PI4KA: variants seen among roughly 807,000 people sequenced by gnomAD.
PI4KA encodes phosphatidylinositol 4-kinase alpha.
In PI4KA, 122 loss-of-function variants were observed where a neutral mutation model predicts 271.4. That is an observed-to-expected ratio of 0.45 (90% confidence interval 0.39 to 0.52). The LOEUF (loss-of-function observed/expected upper bound fraction) is 0.52. Ranked by LOEUF, PI4KA falls within the 20% of genes least tolerant of loss-of-function variation. The probability of loss-of-function intolerance (pLI) is 0.00; values close to 1 mark genes in which losing one functional copy is unlikely to be tolerated. For synonymous variants in PI4KA, 1,041 were observed against 1,078.8 expected (o/e 0.96, Z 0.69); for missense variants, 1,969 against 2,769.1 (o/e 0.71, Z 6.48).
intron 3 of PI4KA, among the ~76,000 whole-genome samples, chr22:20,832,732 G>A (rs536876559): frequency 2.0e-5 from 3 of 152,344 alleles, no homozygotes; most frequent in East Asian, 3.9e-4. Context: ...AGAGATTACA[G>A]GTGTGAGCCA....
chr22:20,738,986 A>G (rs1226599882), intron 32 of PI4KA, among the ~76,000 whole-genome samples: 3 of 145,676 alleles, frequency 2.1e-5, no homozygotes, highest in Admixed American at 6.9e-5. Flanking sequence ...GCGGATCACA[A>G]GGTCAGGAGA....
At chr22:20,809,950 T>G (rs1026146110) in intron 9 of PI4KA, among the ~76,000 whole-genome samples, 1 of 152,156 alleles carries the variant, frequency 6.6e-6, no homozygotes, top group Non-Finnish European at 1.5e-5. Flanking sequence ...CCTTCCCTGC[T>G]TCATACCTGA....
At chr22:20,793,462 T>C in intron 18 of PI4KA, 1 of 479,486 alleles carries the variant, frequency 2.1e-6, no homozygotes, top group South Asian at 2.9e-5. Flanking sequence ...GTTACATAAA[T>C]GATTACATAA....
At chr22:20,712,460 C>A (rs1925422194) in intron 50 of PI4KA, 26 bp downstream of exon 50, 2 of 1,606,718 alleles carry the variant, frequency 1.2e-6, no homozygotes, top group Non-Finnish European at 8.5e-7. Flanking sequence ...ACACGACCTC[C>A]CCCGGCCTGT....
chr22:20,827,326 T>C (rs1311400688), intron 3 of PI4KA, among the ~76,000 whole-genome samples: 1 of 152,224 alleles, frequency 6.6e-6, no homozygotes, highest in Non-Finnish European at 1.5e-5. Context: ...TCCCCATTAC[T>C]TGTTTTGTTG....
Position 20,720,691 on chromosome 22 carries a change from T to C in PI4KA, c.5116+607A>G, listed in dbSNP as rs113797010. Among the ~76,000 whole-genome samples, 292 of 152,306 alleles carry C rather than the reference T, an allele frequency of 1.9e-3. 3 individuals are homozygous for C. Among genetic ancestry groups the C allele is most frequent in the African/African-American group, 6.9e-3 (285 of 41,568 alleles). On this transcript the variant is annotated intron_variant, in intron 43 of 54. Transcript: ENST00000255882. Reference sequence around the variant, plus strand: ...TGAAACAACACTGCAACAGATCAACTGCAGAAGTGGAACGAGAATGAGAAT... The same window carrying C: ...TGAAACAACACTGCAACAGATCAACCGCAGAAGTGGAACGAGAATGAGAAT...
intron 3 of PI4KA, among the ~76,000 whole-genome samples, chr22:20,831,027 A>T (rs1924096673): frequency 6.6e-6 from 1 of 151,566 alleles, no homozygotes; most frequent in South Asian, 2.1e-4. Context: ...TCCGCCTTAG[A>T]CTCCCAAAGT....
intron 31 of PI4KA, 94 bp from the exon 32 acceptor site, chr22:20,742,449 A>G (rs1016848043): frequency 3.6e-5 from 57 of 1,566,740 alleles, no homozygotes; most frequent in Non-Finnish European, 4.8e-5. Flanking sequence ...AGCTGGGGCC[A>G]GTGATGGCCT....
At chr22:20,745,982 G>A (rs1930015336) in intron 29 of PI4KA, among the ~76,000 whole-genome samples, 1 of 148,986 alleles carries the variant, frequency 6.7e-6, no homozygotes, top group African/African-American at 2.5e-5. Context: ...GGGATTACAG[G>A]TGCATGTCAC....
At chr22:20,852,430 T>C (rs117733354) in intron 1 of PI4KA, among the ~76,000 whole-genome samples, 128 of 152,326 alleles carry the variant, frequency 8.4e-4, no homozygotes, top group Non-Finnish European at 1.5e-3. Flanking sequence ...GACACCTTCA[T>C]CTTGAACTTC....
In PI4KA at chr22:20,761,382, G is replaced by A; in HGVS notation, c.2713C>T (p.Leu905=). 13 of 1,605,958 alleles carry A rather than the reference G, an allele frequency of 8.1e-6. No homozygotes were observed. Among genetic ancestry groups the A allele is most frequent in the Non-Finnish European group, 1.1e-5 (13 of 1,172,592 alleles). The part of the protein sequence containing the change: ...SVYRLEYMRV[L]RSTDPDRFQV... ...AAGCGATCAGGATCTGTTGAACGCA[G>A]TACCCTAAGAAGAAAACAGCTTTAA... Residue 905 remains leucine, a synonymous_variant, in exon 23 of 55, where the codon CTG becomes TTG. Coordinates refer to ENST00000255882, the MANE Select transcript of PI4KA (RefSeq NM_058004.4).
At chr22:20,733,627 T>G in intron 35 of PI4KA, 109 bp downstream of exon 35, 1 of 1,575,438 alleles carries the variant, frequency 6.3e-7, no homozygotes, top group South Asian at 1.2e-5. Context: ...TGAGCACAAC[T>G]GGGCAACTGT....
intron 1 of PI4KA, among the ~76,000 whole-genome samples, chr22:20,840,947 TA>T (rs945432799): frequency 3.9e-5 from 6 of 152,188 alleles, no homozygotes; most frequent in African/African-American, 1.4e-4. Context: ...GGCTGAGACC[TA>T]CTGGGCTACA....
At chr22:20,716,432 T>A (rs910720312) in intron 45 of PI4KA, among the ~76,000 whole-genome samples, 12 of 152,270 alleles carry the variant, frequency 7.9e-5, no homozygotes, top group African/African-American at 2.6e-4. Context: ...GCCAAGGAAC[T>A]GCCAGTCCCC....
At chr22:20,713,134 G>A (rs1925529520) in intron 48 of PI4KA, 147 bp downstream of exon 48, 1 of 725,014 alleles carries the variant, frequency 1.4e-6, no homozygotes. Context: ...TTTTGCAGAA[G>A]CCCTAATTTA....
intron 3 of PI4KA, among the ~76,000 whole-genome samples, chr22:20,824,777 C>A (rs1027068205): frequency 1.6e-5 from 2 of 122,112 alleles, no homozygotes; most frequent in African/African-American, 7.0e-5. Flanking sequence ...CACACACACA[C>A]ACAAAACACT....
At chr22:20,710,468 G>A (rs1330785142) in intron 52 of PI4KA, 1 of 584,268 alleles carries the variant, frequency 1.7e-6, no homozygotes, top group Admixed American at 3.0e-5. Context: ...AGAGCCCATG[G>A]CTGAAGGCGT....
At chr22:20,764,980 T>G (rs1402588811) in intron 21 of PI4KA, 30 bp from the exon 22 acceptor site, 7 of 1,593,292 alleles carry the variant, frequency 4.4e-6, no homozygotes, top group Middle Eastern at 1.7e-4. Context: ...CGAGGGCTCA[T>G]GGGGCATCCC....
At chr22:20,793,416 G>A in intron 18 of PI4KA, 173 bp from the exon 19 acceptor site, 2 of 503,522 alleles carry the variant, frequency 4.0e-6, no homozygotes, top group African/African-American at 1.9e-5. Flanking sequence ...AATTTTAATA[G>A]CAAAAAATGA....
Sources: gnomAD v4.1 joint callset for allele counts (sites outside exome capture counted in the v4.1 genomes callset) on GRCh38, gnomAD v4.1.1 for gene constraint, MANE v1.5 for transcripts, NCBI Gene and HGNC (gene_info 2026-07-23, HGNC 2026-07-21) for gene names.